Variants in COL10A1 observed in about 807,000 individuals in gnomAD.
The protein encoded by COL10A1 is collagen alpha-1(X) chain.
Under a neutral mutation model 18.2 loss-of-function variants are expected in COL10A1, and 10 were observed. The ratio of observed to expected loss-of-function variants is 0.55; its 90% CI spans 0.34 to 0.93. The LOEUF (loss-of-function observed/expected upper bound fraction) is 0.93, where lower values mean the gene tolerates loss of function less well. COL10A1 is among the 40% of genes least tolerant of loss of function. The pLI, the probability that COL10A1 is intolerant of heterozygous loss-of-function variation, is 0.02. For missense variants in COL10A1, 897 were observed against 853.5 expected (o/e 1.05, Z -0.64); for synonymous variants, 330 against 316.6 (o/e 1.04, Z -0.45).
At chr6:116,165,098 GAAA>G in the COL10A1 span, among the ~76,000 whole-genome samples, 64 of 101,044 alleles carry the variant, frequency 6.3e-4, no homozygotes, top group African/African-American at 1.2e-3. Context: ...CTCCGTCTCA[GAAA>G]AAAAAAAAAA....
At position 116,119,769 on chromosome 6, in the gene COL10A1, T is replaced by G; in HGVS notation, c.*304A>C. 1.2e-5 allele frequency: 3 copies of G among 243,626 alleles called. No individual in the cohort carries two copies. The highest frequency in any genetic ancestry group is 2.4e-5 in the Non-Finnish European group (3 of 127,254). The allele number at this position is 243,626 out of a possible 1,614,324, so 15.1% of individuals were successfully genotyped here. ...GTTTTTTTTTTTAATTTTTTTTTTG[T>G]TGTTTGTTTTTTGTTGTTTGTTTTT... On this transcript the variant is annotated 3_prime_UTR_variant, in exon 3 of 3. Transcript: ENST00000651968.
chr6:116,125,157 A>G (rs1205469651), intron 2 of COL10A1, among the ~76,000 whole-genome samples, 182 bp downstream of exon 2: 1 of 152,188 alleles, frequency 6.6e-6, no homozygotes, highest in Admixed American at 6.5e-5. Flanking sequence ...TATCCTTTCT[A>G]CTACACTTAT....
At chr6:116,169,997 C>A in the COL10A1 span, among the ~76,000 whole-genome samples, 1 of 152,048 alleles carries the variant, frequency 6.6e-6, no homozygotes, top group Non-Finnish European at 1.5e-5. Context: ...ACCTGTTGAG[C>A]CATTGGGTAA....
At chr6:116,181,054 G>A in the COL10A1 span, among the ~76,000 whole-genome samples, 2 of 151,312 alleles carry the variant, frequency 1.3e-5, no homozygotes, top group Non-Finnish European at 2.9e-5. Context: ...AAATCATATG[G>A]TATCTTGAAT....
intron 1 of COL10A1, among the ~76,000 whole-genome samples, chr6:116,141,439 A>G (rs1582829913): frequency 6.6e-6 from 1 of 152,276 alleles, no homozygotes; most frequent in African/African-American, 2.4e-5. Flanking sequence ...ATTGTTCAAA[A>G]TAATTCATTG....
At chr6:116,169,978 G>T in the COL10A1 span, among the ~76,000 whole-genome samples, 3 of 152,126 alleles carry the variant, frequency 2.0e-5, no homozygotes, top group Non-Finnish European at 2.9e-5. Context: ...CTAACAAAGA[G>T]AATTAGTCAC....
At chr6:116,163,056 G>A (rs1291254183), upstream of COL10A1, among the ~76,000 whole-genome samples, 1 of 148,582 alleles carries the variant, frequency 6.7e-6, no homozygotes, top group Non-Finnish European at 1.5e-5. Flanking sequence ...GAACCCGGGA[G>A]GTGGAGCTTG....
At chr6:116,156,143 T>G (rs1780187509) in intron 1 of COL10A1, among the ~76,000 whole-genome samples, 1 of 152,174 alleles carries the variant, frequency 6.6e-6, no homozygotes, top group Non-Finnish European at 1.5e-5. Flanking sequence ...ATATCTTCAG[T>G]CTCCTGTTCC....
At chr6:116,200,006 GGA>G in the COL10A1 span, among the ~76,000 whole-genome samples, 1 of 150,160 alleles carries the variant, frequency 6.7e-6, no homozygotes, top group African/African-American at 2.5e-5. Flanking sequence ...AAGTGGGGGG[GGA>G]AGAGTAACTT....
the COL10A1 span, among the ~76,000 whole-genome samples, chr6:116,192,791 T>A: frequency 0.55 from 82,884 of 151,828 alleles, 23,342 homozygotes; most frequent in African/African-American, 0.66. Context: ...TCTATTACGA[T>A]TTCCTCCTGG....
the COL10A1 span, among the ~76,000 whole-genome samples, chr6:116,189,731 A>T: frequency 6.6e-6 from 1 of 151,992 alleles, no homozygotes; most frequent in Non-Finnish European, 1.5e-5. Context: ...TGAAAAAAAA[A>T]TGATTTTAAT....
the COL10A1 span, among the ~76,000 whole-genome samples, chr6:116,177,700 C>G: frequency 6.6e-6 from 1 of 152,102 alleles, no homozygotes; most frequent in Non-Finnish European, 1.5e-5. Flanking sequence ...ACCATCAGCT[C>G]TCTTAAAGTT....
the COL10A1 span, among the ~76,000 whole-genome samples, chr6:116,163,957 G>C: frequency 0.026 from 3,975 of 152,188 alleles, 160 homozygotes; most frequent in African/African-American, 0.09. Context: ...TATTCTGAGA[G>C]GATACCTGAT....
At chr6:116,154,311 T>A (rs1419780390) in intron 1 of COL10A1, among the ~76,000 whole-genome samples, 1 of 152,178 alleles carries the variant, frequency 6.6e-6, no homozygotes, top group Non-Finnish European at 1.5e-5. Context: ...TTAAAAGATG[T>A]TGTCACTGAG....
the COL10A1 span, among the ~76,000 whole-genome samples, chr6:116,194,973 T>C: frequency 4.6e-5 from 7 of 152,110 alleles, no homozygotes; most frequent in Admixed American, 2.0e-4. Flanking sequence ...CTGGAAGATA[T>C]ACAGTGATTA....
the COL10A1 span, among the ~76,000 whole-genome samples, chr6:116,206,408 A>G: frequency 7.9e-5 from 12 of 152,028 alleles, no homozygotes; most frequent in African/African-American, 2.7e-4. Flanking sequence ...CAGTCTCTCA[A>G]TGACTAAAGC....
At chr6:116,145,662 T>G (rs1370264064) in intron 1 of COL10A1, among the ~76,000 whole-genome samples, 1 of 152,212 alleles carries the variant, frequency 6.6e-6, no homozygotes, top group Non-Finnish European at 1.5e-5. Flanking sequence ...CTTTAAAGTA[T>G]CCCCAGTGAT....
the COL10A1 span, among the ~76,000 whole-genome samples, chr6:116,193,586 A>G: frequency 6.6e-6 from 1 of 152,110 alleles, no homozygotes; most frequent in East Asian, 1.9e-4. Context: ...ACTGAAAGTC[A>G]CTAATATACA....
At chr6:116,208,319 T>C in the COL10A1 span, among the ~76,000 whole-genome samples, 1 of 152,022 alleles carries the variant, frequency 6.6e-6, no homozygotes, top group Non-Finnish European at 1.5e-5. Flanking sequence ...CAAGTAAGGA[T>C]AATGTCAGTG....
Sources: gnomAD v4.1 joint callset for allele counts (sites outside exome capture counted in the v4.1 genomes callset) on GRCh38, gnomAD v4.1.1 for gene constraint, MANE v1.5 for transcripts, NCBI Gene and HGNC (gene_info 2026-07-23, HGNC 2026-07-21) for gene names.